Variants in ARL17B observed in about 807,000 individuals in gnomAD.
ARL17B encodes the protein ADP-ribosylation factor-like protein 17.
intron 4 of ARL17B, among the ~76,000 whole-genome samples, chr17:46,289,815 A>G (rs2050017136): frequency 6.6e-6 from 1 of 152,144 alleles, no homozygotes; most frequent in Non-Finnish European, 1.5e-5. Flanking sequence ...AATTAATTTT[A>G]TTTTTCCTTC....
chr17:46,277,125 A>C (rs553492341), intron 4 of ARL17B, among the ~76,000 whole-genome samples: 1 of 152,344 alleles, frequency 6.6e-6, no homozygotes, highest in African/African-American at 2.4e-5. Flanking sequence ...ATTTAAGCAG[A>C]ATTGAGCAAA....
At chr17:46,317,163 G>A (rs1252376387) in intron 3 of ARL17B, among the ~76,000 whole-genome samples, 28 of 87,718 alleles carry the variant, frequency 3.2e-4, no homozygotes, top group East Asian at 4.7e-4. Context: ...GGGCAGAGGC[G>A]CTCCTCACAT....
At chr17:46,275,914 G>A (rs1445575086) in intron 4 of ARL17B, among the ~76,000 whole-genome samples, 6 of 149,898 alleles carry the variant, frequency 4.0e-5, no homozygotes, top group African/African-American at 7.4e-5. Flanking sequence ...TTTTTGAGAC[G>A]AAGTCTCGCT....
rs2907490 is a variant in ARL17B, at chr17:46,292,438, C to A, written c.*21+7088G>T. On this transcript the variant is annotated intron_variant, in intron 4 of 4. Coordinates refer to the ARL17B transcript ENST00000570618. Reference sequence around the variant, plus strand: ...GCAGAATTTGGAGGATAATTTGTTTCATTCTCAGGAAAATGTGAAACTCTG... The same window carrying A: ...GCAGAATTTGGAGGATAATTTGTTTAATTCTCAGGAAAATGTGAAACTCTG... Among the ~76,000 whole-genome samples the A allele has an allele frequency of 3.2e-4, 26 of 80,192 alleles. 5 individuals are homozygous for A. Among genetic ancestry groups the A allele is most frequent in the South Asian group, 1.1e-3 (2 of 1,780 alleles). 52.6% of individuals were successfully genotyped at this position (80,192 alleles called of 152,430 possible).
At chr17:46,284,772 CCA>C (rs1488282303) in intron 4 of ARL17B, among the ~76,000 whole-genome samples, 2 of 152,244 alleles carry the variant, frequency 1.3e-5, no homozygotes, top group Non-Finnish European at 2.9e-5. Context: ...TAACATTCAA[CCA>C]CACATTGAGA....
At chr17:46,356,885 A>G (rs2144325453) in intron 2 of ARL17B, among the ~76,000 whole-genome samples, 1 of 18,714 alleles carries the variant, frequency 5.3e-5, no homozygotes, top group African/African-American at 2.7e-4. Context: ...CCCAAGTTGA[A>G]AGTTGATCAT....
At chr17:46,279,215 G>A (rs372731731) in intron 4 of ARL17B, among the ~76,000 whole-genome samples, 4 of 130,200 alleles carry the variant, frequency 3.1e-5, no homozygotes, top group East Asian at 4.6e-4. Context: ...ACAGAGTCTC[G>A]CTCTGTCGCC....
At chr17:46,334,794 C>T (rs1283339141), downstream of ARL17B, 1 of 125,602 alleles carries the variant, frequency 8.0e-6, no homozygotes, top group Non-Finnish European at 1.7e-5. Flanking sequence ...ACAGTCAGCC[C>T]TCTTCATCAG....
chr17:46,291,872 G>T (rs1161253442), intron 4 of ARL17B, among the ~76,000 whole-genome samples: 1 of 150,830 alleles, frequency 6.6e-6, no homozygotes, highest in Non-Finnish European at 1.5e-5. Context: ...GAGGCGGAAG[G>T]ACTTACTGAT....
rs1406143738 is a variant in ARL17B at position 46,335,623 on chromosome 17, T to C, written c.*3877A>G. On this transcript the variant is annotated 3_prime_UTR_variant, in exon 4 of 4. Transcript: ENST00000450673. Reference sequence around the variant, plus strand: ...AATATTAGTCTGGTGATTTTTTTTTTCTTCTCTTTTGAGATGGAGTTTCCC... The same window carrying C: ...AATATTAGTCTGGTGATTTTTTTTTCCTTCTCTTTTGAGATGGAGTTTCCC... 1.7e-5 allele frequency: 3 copies of C among 181,630 alleles called. 1 individual carries two copies. Among genetic ancestry groups the C allele is most frequent in the East Asian group, 6.3e-5 (2 of 31,846 alleles). The allele number at this position is 181,630 out of a possible 1,614,324, so 11.3% of individuals were successfully genotyped here. A position where few individuals can be genotyped will look rare whatever the true frequency, so the allele number is the denominator to read the frequency against.
In ARL17B at chr17:46,302,386, T is replaced by C. The variant is rs1258448148; in HGVS notation, c.260-2721A>G. Among the ~76,000 whole-genome samples, 17 of 60,184 alleles carry C rather than the reference T, an allele frequency of 2.8e-4. 1 individual carries two copies. The highest frequency in any genetic ancestry group is 6.6e-4 in the East Asian group (2 of 3,024). The allele number at this position is 60,184 out of a possible 152,430, so 39.5% of individuals were successfully genotyped here. A position where few individuals can be genotyped will look rare whatever the true frequency, so the allele number is the denominator to read the frequency against. Reference sequence around the variant, plus strand: ...GATCTAGAGAGGAGGCATGAAATAATAGAATTTGGTGGGAAGAAACCCACT... The same window carrying C: ...GATCTAGAGAGGAGGCATGAAATAACAGAATTTGGTGGGAAGAAACCCACT... On this transcript the variant is annotated intron_variant, in intron 3 of 4. Transcript: ENST00000434041.
intron 4 of ARL17B, among the ~76,000 whole-genome samples, chr17:46,288,161 T>C (rs1438819372): frequency 6.6e-6 from 1 of 151,612 alleles, no homozygotes; most frequent in Non-Finnish European, 1.5e-5. Context: ...ACTAACTTTT[T>C]TCTTTTGTCT....
chr17:46,278,266 C>A (rs902296374), intron 4 of ARL17B, among the ~76,000 whole-genome samples: 1 of 152,152 alleles, frequency 6.6e-6, no homozygotes, highest in African/African-American at 2.4e-5. Context: ...TCTTATACTG[C>A]TCTTTCTTGT....
At chr17:46,278,186 T>G (rs2049645127) in intron 4 of ARL17B, among the ~76,000 whole-genome samples, 1 of 151,844 alleles carries the variant, frequency 6.6e-6, no homozygotes, top group Non-Finnish European at 1.5e-5. Flanking sequence ...CCTCAGATGA[T>G]CCACCCGCCT....
intron 4 of ARL17B, among the ~76,000 whole-genome samples, chr17:46,281,319 G>A (rs1224863872): frequency 6.6e-6 from 1 of 151,524 alleles, no homozygotes; most frequent in African/African-American, 2.4e-5. Context: ...GTCATTTGCT[G>A]AGTGAATGAA....
intron 3 of ARL17B, among the ~76,000 whole-genome samples, chr17:46,340,794 G>A (rs2052502190): frequency 1.3e-5 from 1 of 77,880 alleles, no homozygotes; most frequent in South Asian, 4.9e-4. Context: ...CGCTCACCTT[G>A]GCCTCCCAAA....
chr17:46,288,578 G>T (rs1476869663), intron 4 of ARL17B, among the ~76,000 whole-genome samples: 1 of 151,942 alleles, frequency 6.6e-6, no homozygotes. Flanking sequence ...GATTACAGGT[G>T]TGAGCCACAG....
At chr17:46,276,022 C>T (rs1299366777) in intron 4 of ARL17B, among the ~76,000 whole-genome samples, 2 of 152,182 alleles carry the variant, frequency 1.3e-5, no homozygotes, top group Admixed American at 6.5e-5. Context: ...TCCCGAGTAG[C>T]TGGGATTACA....
At chr17:46,291,985 A>AAAAAAAAAAAAAAAAAAAAC (rs1360524355) in intron 4 of ARL17B, among the ~76,000 whole-genome samples, 19 of 76,650 alleles carry the variant, frequency 2.5e-4, no homozygotes, top group Non-Finnish European at 3.3e-4. Flanking sequence ...AAAAAAAAAA[A>AAAAAAAAAAAAAAAAAAAAC]AAGCCAATAA....
Sources: allele counts gnomAD v4.1 joint callset (sites outside exome capture counted in the v4.1 genomes callset), GRCh38; gene constraint gnomAD v4.1.1; transcripts MANE v1.5; gene names NCBI Gene and HGNC (gene_info 2026-07-23, HGNC 2026-07-21).